FGF13: variants seen among roughly 807,000 people sequenced by gnomAD.
FGF13 encodes the protein fibroblast growth factor 13, also known as fibroblast growth factor homologous factor 2.
Under a neutral mutation model 19.5 loss-of-function variants are expected in FGF13, and 2 were observed. The ratio of observed to expected loss-of-function variants is 0.10; its 90% CI spans 0.04 to 0.32. FGF13 has a LOEUF of 0.32. FGF13 is among the 10% of genes least tolerant of loss of function. The pLI is 1.00. For missense variants in FGF13, 113 were observed against 192.7 expected (o/e 0.59, Z 2.45); for synonymous variants, 72 against 76.9 (o/e 0.94, Z 0.33).
chrX:138,879,862 G>A (rs1227712795), intron 1 of FGF13, among the ~76,000 whole-genome samples: 1 of 111,993 alleles, frequency 8.9e-6, no homozygotes, highest in African/African-American at 3.3e-5. Context: ...CTTCTGCACA[G>A]CAAAATAAAC....
Position 139,174,793 on chromosome X carries a change from C to CTGTA in FGF13, c.-113+28619_-113+28622dup, listed in dbSNP as rs775514783. Among the ~76,000 whole-genome samples, 16 of 112,424 alleles carry CTGTA rather than the reference C, an allele frequency of 1.4e-4. No individual in the cohort carries two copies. The Middle Eastern group carries it at 0.014, about 98-fold the overall frequency. ...TACCAGCACCATGCTGTTTTGCTTA[C>CTGTA]TGTAGCCTTGTAGTATAGTTTGAAG... On this transcript the variant is annotated intron_variant, in intron 1 of 2. Transcript: ENST00000421460.
At chrX:138,698,216 T>C (rs12557991) in intron 3 of FGF13, among the ~76,000 whole-genome samples, 1,626 of 110,492 alleles carry the variant, frequency 0.015, 17 homozygotes, top group Non-Finnish European at 0.024. Context: ...GGAAAGTAAA[T>C]TGCTATCTCT....
At chrX:139,116,697 A>C (rs1425164627) in intron 1 of FGF13, among the ~76,000 whole-genome samples, 3 of 111,158 alleles carry the variant, frequency 2.7e-5, no homozygotes, top group Non-Finnish European at 3.8e-5. Flanking sequence ...GGGGGAAAAA[A>C]ATCCATTTAG....
intron 3 of FGF13, among the ~76,000 whole-genome samples, chrX:138,751,734 A>G (rs781025458): frequency 5.4e-5 from 6 of 112,008 alleles, no homozygotes; most frequent in Non-Finnish European, 9.4e-5. Context: ...CAACTGGAAT[A>G]TATGAGGTGT....
chrX:139,115,759 G>T (rs2083635494), intron 1 of FGF13, among the ~76,000 whole-genome samples: 1 of 112,414 alleles, frequency 8.9e-6, no homozygotes, highest in Non-Finnish European at 1.9e-5. Context: ...TTCAATAATT[G>T]TTCATTTTCT....
intron 1 of FGF13, among the ~76,000 whole-genome samples, chrX:139,080,342 T>C (rs1034733971): frequency 8.9e-6 from 1 of 111,869 alleles, no homozygotes; most frequent in Non-Finnish European, 1.9e-5. Context: ...CTCTCTTCCA[T>C]ACCTGTTTGT....
In FGF13 at chrX:139,155,551, C is replaced by T. The variant is rs146704210; in HGVS notation, c.-113+47865G>A. On this transcript the variant is annotated intron_variant, in intron 1 of 2. Transcript: ENST00000421460. ...ACTTCTTTGACTTTTTAGTTTGTCT[C>T]CATGAGTTATCTTCAGGACACTGCA... 4.8e-4 allele frequency among the ~76,000 whole-genome samples: 54 copies of T among 112,106 alleles called. No individual in the cohort carries two copies. The East Asian group carries it at 0.014, about 28-fold the overall frequency.
At chrX:138,664,291 G>A (rs1484997322) in intron 3 of FGF13, among the ~76,000 whole-genome samples, 1 of 111,872 alleles carries the variant, frequency 8.9e-6, no homozygotes, top group Non-Finnish European at 1.9e-5. Context: ...ACAGTCCCTT[G>A]AAGACATAAA....
At chrX:139,067,134 A>G (rs185479848) in intron 1 of FGF13, among the ~76,000 whole-genome samples, 1 of 111,896 alleles carries the variant, frequency 8.9e-6, no homozygotes, top group Non-Finnish European at 1.9e-5. Flanking sequence ...ACATAATTGC[A>G]AAATAATAAG....
At chrX:138,774,676 C>T (rs1286270956) in intron 3 of FGF13, among the ~76,000 whole-genome samples, 1 of 111,588 alleles carries the variant, frequency 9.0e-6, no homozygotes, top group East Asian at 2.8e-4. Flanking sequence ...TAAGTGCCCA[C>T]TTCCACACCA....
intron 2 of FGF13, 105 bp from the exon 3 acceptor site, chrX:138,703,192 G>T: frequency 1.7e-6 from 1 of 588,403 alleles, no homozygotes; most frequent in Non-Finnish European, 2.9e-6. Context: ...GTGTGTAGTT[G>T]GTGAGGGTAT....
In FGF13 at chrX:138,615,869, T is replaced by G; in HGVS notation, c.*16981A>C. On this transcript the variant is annotated 3_prime_UTR_variant, in exon 5 of 5. Transcript: ENST00000315930. The stretch of plus-strand genomic sequence containing the variant: ...ACAGGGTGGCAGGAGAGAGAATGAG[T>G]GCCAGCAGGGGAAATGCCAGATGCT... 9.0e-6 allele frequency: 1 copy of G among 111,157 alleles called. No individual in the cohort carries two copies. Among genetic ancestry groups the G allele is most frequent in the Non-Finnish European group, 1.9e-5 (1 of 53,271 alleles). The allele number at this position is 111,157 out of a possible 1,213,427, so 9.2% of individuals were successfully genotyped here.
intron 3 of FGF13, among the ~76,000 whole-genome samples, chrX:138,638,094 A>T (rs2089204146): frequency 1.8e-5 from 2 of 110,984 alleles, no homozygotes; most frequent in South Asian, 7.7e-4. Context: ...TTACCTCTTC[A>T]CTGGACTGCT....
intron 1 of FGF13, among the ~76,000 whole-genome samples, chrX:138,924,696 T>C (rs1047944223): frequency 9.1e-6 from 1 of 110,426 alleles, no homozygotes; most frequent in Non-Finnish European, 1.9e-5. Flanking sequence ...ACTGAGTCCA[T>C]AACCCTGAAT....
intron 1 of FGF13, among the ~76,000 whole-genome samples, chrX:139,011,361 C>CA (rs3047329): frequency 7.7e-4 from 64 of 82,908 alleles, no homozygotes; most frequent in South Asian, 2.1e-3. Flanking sequence ...AACAAACAAA[C>CA]AAAAAAAAAA....
intron 1 of FGF13, among the ~76,000 whole-genome samples, chrX:139,194,183 G>A (rs1016933): frequency 9.1e-6 from 1 of 109,999 alleles, no homozygotes; most frequent in African/African-American, 3.3e-5. Flanking sequence ...AACATTCTAA[G>A]ACGTTGAGGG....
intron 3 of FGF13, among the ~76,000 whole-genome samples, chrX:138,784,222 G>A (rs1262914719): frequency 2.0e-5 from 2 of 98,535 alleles, no homozygotes; most frequent in South Asian, 1.1e-3. Flanking sequence ...GCTAGATGAC[G>A]AGTTAGTGGG....
chrX:138,711,332 C>T lies in FGF13; in HGVS notation c.-329G>A, dbSNP rs1481763485. On this transcript the variant is annotated 5_prime_UTR_variant, in exon 1 of 5. Coordinates refer to ENST00000315930, the MANE Select transcript of FGF13 (RefSeq NM_004114.5). ...ACTGCGTGTGGTCGGCCCCTGCGCC[C>T]GGCGGACACCGTGCATGTCCAGCTG... The T allele has an allele frequency of 1.2e-6, 1 of 836,793 alleles. No individual in the cohort carries two copies. Among genetic ancestry groups the T allele is most frequent in the Non-Finnish European group, 1.5e-6 (1 of 682,310 alleles). 69.0% of individuals were successfully genotyped at this position (836,793 alleles called of 1,213,427 possible). A position where few individuals can be genotyped will look rare whatever the true frequency, so the allele number is the denominator to read the frequency against.
chrX:138,906,635 G>C (rs1309075268), intron 1 of FGF13, among the ~76,000 whole-genome samples: 1 of 112,185 alleles, frequency 8.9e-6, no homozygotes, highest in Non-Finnish European at 1.9e-5. Context: ...ACTTTTAATA[G>C]AATGCCAAGG....
Sources: gnomAD v4.1 joint callset for allele counts (sites outside exome capture counted in the v4.1 genomes callset) on GRCh38, gnomAD v4.1.1 for gene constraint, MANE v1.5 for transcripts, NCBI Gene and HGNC (gene_info 2026-07-23, HGNC 2026-07-21) for gene names.